Variants in AADACL3 observed in about 807,000 individuals in gnomAD.
The protein encoded by AADACL3 is arylacetamide deacetylase like 3.
In AADACL3, 13 loss-of-function variants were observed where a neutral mutation model predicts 13.6. The observed-to-expected ratio is 0.95, with a 90% CI of 0.62 to 1.52. The LOEUF (loss-of-function observed/expected upper bound fraction) is 1.52. Ranked by LOEUF, AADACL3 falls within the 40% of genes most tolerant of loss-of-function variation. AADACL3 has a pLI of 0.00. For missense variants in AADACL3, 519 were observed against 499.2 expected (o/e 1.04, Z -0.38); for synonymous variants, 195 against 197.0 (o/e 0.99, Z 0.08).
chr1:12,720,796 A>G, intron 2 of AADACL3, 87 bp from the exon 3 acceptor site: 2 of 1,178,460 alleles, frequency 1.7e-6, no homozygotes, highest in African/African-American at 1.5e-5. Context: ...GCATCGGCCC[A>G]AGTGCTGTGT....
chr1:12,716,400 A>C, intron 1 of AADACL3, 56 bp downstream of exon 1: 1 of 1,610,046 alleles, frequency 6.2e-7, no homozygotes, highest in Middle Eastern at 1.7e-4. Context: ...AGGCGGCAGG[A>C]AAAATCACAC....
rs1050733989 is a variant in AADACL3 at position 12,719,810 on chromosome 1, G to A, written c.385+119G>A. The A allele has an allele frequency of 1.8e-5, 20 of 1,082,736 alleles. No homozygotes were observed. In the South Asian group the frequency reaches 2.9e-4, roughly 16 times the overall value. The allele number at this position is 1,082,736 out of a possible 1,614,324, so 67.1% of individuals were successfully genotyped here. A position where few individuals can be genotyped will look rare whatever the true frequency, so the allele number is the denominator to read the frequency against. ...ATTATTATCAGGGAACACCAGGGCAGTTCATGGTTTGCAGATCATTGAGGG... is the reference window on the plus strand; with the variant it reads ...ATTATTATCAGGGAACACCAGGGCAATTCATGGTTTGCAGATCATTGAGGG... On this transcript the variant is annotated intron_variant, in intron 2 of 3. Coordinates refer to ENST00000359318, the MANE Select transcript of AADACL3 (RefSeq NM_001103170.3).
chr1:12,719,864 TATGTATCTCCTTATTTACATAA>T (rs752209642), intron 2 of AADACL3, among the ~76,000 whole-genome samples, 173 bp downstream of exon 2: 15 of 152,210 alleles, frequency 9.9e-5, no homozygotes, highest in Non-Finnish European at 2.1e-4. Context: ...ATTGCCCTCT[TATGTATCTCCTTATTTACATAA>T]ATGTAATCCT....
At chr1:12,718,120 C>T (rs1216532180) in intron 1 of AADACL3, among the ~76,000 whole-genome samples, 1 of 152,080 alleles carries the variant, frequency 6.6e-6, no homozygotes. Context: ...ACTCTATGTG[C>T]TAGTAAGGAA....
chr1:12,719,599 C>T lies in AADACL3; in HGVS notation c.293C>T (p.Pro98Leu), dbSNP rs1648522679. 2 of 1,614,084 alleles carry T rather than the reference C, an allele frequency of 1.2e-6. No homozygotes were observed. Among genetic ancestry groups the T allele is most frequent in the Non-Finnish European group, 1.7e-6 (2 of 1,180,030 alleles). Residue 98 changes from proline (P) to leucine (L), a missense_variant, in exon 2 of 4, where the codon CCT becomes CTT. Coordinates refer to ENST00000359318, the MANE Select transcript of AADACL3 (RefSeq NM_001103170.3). ...VVTDFRFGTI[P>L]VKLYQPKAST... ...ACGGATTTCCGCTTTGGGACAATCCCTGTGAAGCTGTACCAACCCAAGGCA... is the reference window on the plus strand; with the variant it reads ...ACGGATTTCCGCTTTGGGACAATCCTTGTGAAGCTGTACCAACCCAAGGCA...
At chr1:12,723,133 G>A (rs6687927) in intron 3 of AADACL3, among the ~76,000 whole-genome samples, 49,121 of 151,892 alleles carry the variant, frequency 0.32, 8,583 homozygotes, top group African/African-American at 0.47. Flanking sequence ...CAGCTTCTCA[G>A]AGTGCTGAGG....
Position 12,719,541 on chromosome 1 carries a change from C to A in AADACL3, c.235C>A (p.Pro79Thr), listed in dbSNP as rs780218262. ...ATTTTTCTGTTTCATGCAAGATCTG[C>A]CTCCGCTAAAGTATGACCCCGATGT... ...PQFFCFMQDLPPLKYDPDVVV... is the reference protein window; with the variant it reads ...PQFFCFMQDLTPLKYDPDVVV... The change falls in exon 2 of 4, where the codon CCT (proline) becomes ACT (threonine). Residue 79 changes from proline (P) to threonine (T), a missense_variant. Coordinates refer to ENST00000359318, the MANE Select transcript of AADACL3 (RefSeq NM_001103170.3). 1.9e-6 allele frequency: 3 copies of A among 1,613,978 alleles called. No individual in the cohort carries two copies. Among genetic ancestry groups the A allele is most frequent in the African/African-American group, 1.3e-5 (1 of 74,924 alleles).
In AADACL3 at chr1:12,726,263, A is replaced by C; in HGVS notation, c.*267A>C. 2.1e-6 allele frequency: 1 copy of C among 472,948 alleles called. No individual in the cohort carries two copies. The highest frequency in any genetic ancestry group is 3.8e-6 in the Non-Finnish European group (1 of 266,320). 29.3% of individuals were successfully genotyped at this position (472,948 alleles called of 1,614,324 possible). A position where few individuals can be genotyped will look rare whatever the true frequency, so the allele number is the denominator to read the frequency against. On this transcript the variant is annotated 3_prime_UTR_variant, in exon 4 of 4. Coordinates refer to ENST00000359318, the MANE Select transcript of AADACL3 (RefSeq NM_001103170.3). ...CCTGGGCTGACAATATTCAGTGGCC[A>C]TTTGTGGGAGTGAATCAGCCGGTAA...
chr1:12,723,081 A>C (rs1390206393), intron 3 of AADACL3, among the ~76,000 whole-genome samples: 1 of 152,112 alleles, frequency 6.6e-6, no homozygotes, highest in East Asian at 1.9e-4. Context: ...CATGTTGCCC[A>C]GGCTGGTCTC....
chr1:12,724,172 G>C (rs887297543), intron 3 of AADACL3, among the ~76,000 whole-genome samples: 3 of 152,044 alleles, frequency 2.0e-5, no homozygotes, highest in African/African-American at 7.2e-5. Flanking sequence ...GTCGTGGGTG[G>C]CTGGATCCTA....
rs1638350491 is a variant in AADACL3 at position 12,725,528 on chromosome 1, T to G, written c.756T>G (p.Phe252Leu). The G allele has an allele frequency of 6.2e-7, 1 of 1,613,960 alleles. No homozygotes were observed. Among genetic ancestry groups the G allele is most frequent in the Non-Finnish European group, 8.5e-7 (1 of 1,179,890 alleles). Residue 252 changes from phenylalanine to leucine, a missense_variant, in exon 4 of 4, where the codon TTT becomes TTG. Transcript: ENST00000359318. ...PLLTWSFICY[F>L]FFQNLDFSSS... ...TCACCTGGAGTTTCATCTGCTACTT[T>G]TTTTTTCAAAACCTGGATTTCAGCT...
At position 12,727,982 on chromosome 1, in the gene AADACL3, A is replaced by G. The variant is rs1234280723; in HGVS notation, c.*1986A>G. ...TGCCCAGTAGAGAGGAATGTATAAC[A>G]TTTTAAGAGGCTGAGAGCACCCCTT... On this transcript the variant is annotated 3_prime_UTR_variant, in exon 4 of 4. Coordinates refer to ENST00000359318, the MANE Select transcript of AADACL3 (RefSeq NM_001103170.3). 1.3e-5 allele frequency: 2 copies of G among 152,230 alleles called. No homozygotes were observed. The highest frequency in any genetic ancestry group is 2.9e-5 in the Non-Finnish European group (2 of 68,052). 9.4% of individuals were successfully genotyped at this position (152,230 alleles called of 1,614,324 possible).
In AADACL3 at chr1:12,716,131, A is replaced by C. The variant is rs3010874; in HGVS notation, c.-46A>C. 133,051 of 649,132 alleles carry C rather than the reference A, an allele frequency of 0.2. 15,588 individuals carry two copies. The highest frequency in any genetic ancestry group is 0.38 in the East Asian group (14,101 of 37,238). The allele number at this position is 649,132 out of a possible 1,614,324, so 40.2% of individuals were successfully genotyped here. A position where few individuals can be genotyped will look rare whatever the true frequency, so the allele number is the denominator to read the frequency against. ...CTCTGAACCATGTCCTAAATGGTTT[A>C]CACTGCGCACAGCTTCCTCTCAGCC... On this transcript the variant is annotated 5_prime_UTR_variant, in exon 1 of 4. Transcript: ENST00000359318.
intron 3 of AADACL3, among the ~76,000 whole-genome samples, 199 bp from the exon 4 acceptor site, chr1:12,725,023 G>A (rs996710977): frequency 8.5e-5 from 13 of 152,252 alleles, no homozygotes; most frequent in African/African-American, 3.1e-4. Context: ...CCCCATTAGG[G>A]CATTGAGACA....
chr1:12,727,356 G>A lies in AADACL3; in HGVS notation c.*1360G>A, dbSNP rs1439452344. The A allele has an allele frequency of 6.6e-6, 1 of 152,194 alleles. No homozygotes were observed. The highest frequency in any genetic ancestry group is 1.5e-5 in the Non-Finnish European group (1 of 68,048). 9.4% of individuals were successfully genotyped at this position (152,194 alleles called of 1,614,324 possible). On this transcript the variant is annotated 3_prime_UTR_variant, in exon 4 of 4. Coordinates refer to ENST00000359318, the MANE Select transcript of AADACL3 (RefSeq NM_001103170.3). Reference sequence around the variant, plus strand: ...TGAAGGGTAGGGTAAATGGTTGTTGGGTGGACACCAACACTTATTCTACTA... The same window carrying A: ...TGAAGGGTAGGGTAAATGGTTGTTGAGTGGACACCAACACTTATTCTACTA...
chr1:12,720,904 C>T lies in AADACL3; in HGVS notation c.407C>T (p.Ser136Phe), dbSNP rs200734569. 4 of 1,611,964 alleles carry T rather than the reference C, an allele frequency of 2.5e-6. No individual in the cohort carries two copies. The highest frequency in any genetic ancestry group is 2.2e-5 in the East Asian group (1 of 44,800). ...CTAGAAACCCACCATGGCATATGCT[C>T]TCGTTTGTGCAAGGAGAGTGACTCC... The part of the protein sequence containing the change: ...GSLKTHHGIC[S>F]RLCKESDSVV... The change falls in exon 3 of 4, where the codon TCT (serine) becomes TTT (phenylalanine). Residue 136 changes from serine to phenylalanine, a missense_variant. Coordinates refer to ENST00000359318, the MANE Select transcript of AADACL3 (RefSeq NM_001103170.3).
chr1:12,725,629 G>T lies in AADACL3; in HGVS notation c.857G>T (p.Gly286Val). ...TGGGAAAAGTACAGAAAGTGGTTGG[G>T]CCCAGAAAACATCCCTGAGAGGTTT... ...EVWEKYRKWL[G>V]PENIPERFKE... Residue 286 changes from glycine (G) to valine (V), a missense_variant, in exon 4 of 4, where the codon GGC becomes GTC. Physicochemically the swap from Gly to Val is moderately radical, Grantham distance 109. Transcript: ENST00000359318. 1 of 1,614,034 alleles carries T rather than the reference G, an allele frequency of 6.2e-7. No individual in the cohort carries two copies.
chr1:12,716,339 A>T lies in AADACL3; in HGVS notation c.163A>T (p.Thr55Ser). ...CCATTGCATCTTCCAGCTGCTGTTG[A>T]CTTGGGTGAGTTTTGTGCTTTATGT... ...VLHCIFQLLL[T>S]WGMIFEKLRI... The change falls in exon 1 of 4, where the codon ACT (threonine) becomes TCT (serine). Residue 55 changes from threonine (T) to serine (S), a missense_variant. Thr to Ser is a moderately conservative substitution (Grantham distance 58). Coordinates refer to ENST00000359318, the MANE Select transcript of AADACL3 (RefSeq NM_001103170.3). The T allele has an allele frequency of 6.2e-7, 1 of 1,614,134 alleles. No homozygotes were observed. The highest frequency in any genetic ancestry group is 8.5e-7 in the Non-Finnish European group (1 of 1,179,998).
At chr1:12,716,470 A>T in intron 1 of AADACL3, 126 bp downstream of exon 1, 1 of 1,340,152 alleles carries the variant, frequency 7.5e-7, no homozygotes, top group Non-Finnish European at 1.1e-6. Context: ...ACAGCTGATC[A>T]GACCTTCTGA....
Sources: gnomAD v4.1 joint callset for allele counts (sites outside exome capture counted in the v4.1 genomes callset) on GRCh38, gnomAD v4.1.1 for gene constraint, MANE v1.5 for transcripts, NCBI Gene and HGNC (gene_info 2026-07-23, HGNC 2026-07-21) for gene names.